Variants in CACNA1C observed in about 807,000 individuals in gnomAD.
CACNA1C encodes the protein voltage-dependent L-type calcium channel subunit alpha-1C.
CACNA1C carries 30 observed loss-of-function variants against 229.0 expected under a neutral mutation model. The ratio of observed to expected loss-of-function variants is 0.13; its 90% CI spans 0.10 to 0.18. The LOEUF is 0.18. Ranked by LOEUF, CACNA1C falls within the 10% of genes least tolerant of loss-of-function variation. The pLI is 1.00. For missense variants in CACNA1C, 1,658 were observed against 2,845.0 expected (o/e 0.58, Z 9.49); for synonymous variants, 1,114 against 1,132.5 (o/e 0.98, Z 0.33).
chr12:2,308,650 T>C (rs2095241640), intron 3 of CACNA1C, among the ~76,000 whole-genome samples: 1 of 152,094 alleles, frequency 6.6e-6, no homozygotes, highest in Admixed American at 6.6e-5. Flanking sequence ...TTCTCAAGAG[T>C]GCTTTGGCTA....
At chr12:2,333,502 TC>T (rs1310841374) in intron 3 of CACNA1C, among the ~76,000 whole-genome samples, 12 of 152,302 alleles carry the variant, frequency 7.9e-5, no homozygotes, top group South Asian at 4.1e-4. Context: ...GGAATTCTCA[TC>T]CCACAGTGGC....
At chr12:2,414,859 G>A (rs1343988223) in intron 3 of CACNA1C, among the ~76,000 whole-genome samples, 2 of 152,176 alleles carry the variant, frequency 1.3e-5, no homozygotes, top group African/African-American at 4.8e-5. Context: ...GGCTTCAGTT[G>A]GACAGGGGTG....
At chr12:2,643,047 G>A (rs114578429) in intron 30 of CACNA1C, among the ~76,000 whole-genome samples, 1,908 of 152,326 alleles carry the variant, frequency 0.013, 29 homozygotes, top group African/African-American at 0.036. Context: ...AGCAGGAAGA[G>A]CAAAAGAGGG....
chr12:2,690,982 G>A lies in CACNA1C; in HGVS notation c.6200G>A (p.Cys2067Tyr), dbSNP rs1287518980. 1.9e-6 allele frequency: 3 copies of A among 1,600,204 alleles called. No individual in the cohort carries two copies. The highest frequency in any genetic ancestry group is 1.7e-4 in the Middle Eastern group (1 of 6,046). Residue 2067 changes from cysteine (C) to tyrosine (Y), a missense_variant, in exon 47 of 47, where the codon TGC becomes TAC. Cys to Tyr is a radical substitution (Grantham distance 194, BLOSUM62 -2). Around this residue, in one of 20 missense-constraint regions of CACNA1C, gnomAD observed 590 missense variants for 700.8 expected, o/e 0.84. Coordinates refer to ENST00000399655, the MANE Select transcript of CACNA1C (RefSeq NM_000719.7). Reference sequence around the variant, plus strand: ...ACCACCCAGGAGCTGGCCGACGCCTGCGACATGACCATAGAGGAGATGGAG... The same window carrying A: ...ACCACCCAGGAGCTGGCCGACGCCTACGACATGACCATAGAGGAGATGGAG... ...EVTTQELADACDMTIEEMESA... is the reference protein window; with the variant it reads ...EVTTQELADAYDMTIEEMESA...
At chr12:2,405,435 A>G (rs887680658) in intron 3 of CACNA1C, among the ~76,000 whole-genome samples, 1 of 151,910 alleles carries the variant, frequency 6.6e-6, no homozygotes, top group Non-Finnish European at 1.5e-5. Flanking sequence ...ATCATCCCTA[A>G]CCCCTGGCAA....
chr12:2,157,635 T>C (rs1406715484), intron 3 of CACNA1C, among the ~76,000 whole-genome samples: 2 of 152,224 alleles, frequency 1.3e-5, no homozygotes, highest in Admixed American at 6.5e-5. Flanking sequence ...CTGTGGGGCC[T>C]TAGAGCAAAG....
At chr12:2,460,788 A>G (rs1332316224) in intron 5 of CACNA1C, among the ~76,000 whole-genome samples, 8 of 152,230 alleles carry the variant, frequency 5.3e-5, no homozygotes, top group Admixed American at 3.9e-4. Flanking sequence ...ATGCTTATGC[A>G]TAGGAGCAGC....
chr12:2,518,112 A>G (rs1025965488), intron 9 of CACNA1C, among the ~76,000 whole-genome samples: 3 of 152,206 alleles, frequency 2.0e-5, no homozygotes, highest in Non-Finnish European at 2.9e-5. Context: ...TGCAGTCATC[A>G]CCAGCTAGCA....
rs140542739 is a variant in CACNA1C, at chr12:2,479,719, C to T, written c.758-6385C>T. ...AAGTGGGCTGTCGCCTTAATGCTGG[C>T]TTGAAGCACAGCAGAATCCAGAGTC... On this transcript the variant is annotated intron_variant, in intron 5 of 46. Transcript: ENST00000399655. This position sits in a 1 kb window ranked among gnomAD's most constrained non-coding sequence, Gnocchi z 4.3. 5.6e-3 allele frequency among the ~76,000 whole-genome samples: 850 copies of T among 152,304 alleles called. 9 individuals are homozygous for T. The highest frequency in any genetic ancestry group is 0.019 in the African/African-American group (803 of 41,560).
At chr12:2,329,029 A>T (rs1003301823) in intron 3 of CACNA1C, among the ~76,000 whole-genome samples, 1 of 152,180 alleles carries the variant, frequency 6.6e-6, no homozygotes, top group Non-Finnish European at 1.5e-5. Flanking sequence ...CAATGACAGT[A>T]TGGGCATTAA....
In CACNA1C at chr12:2,110,170, A is replaced by G. The variant is rs1437355051; in HGVS notation, c.50-5054A>G. On this transcript the variant is annotated intron_variant, in intron 1 of 46. Transcript: ENST00000399655. ...CTCCTAACTTGGACTCCTCACTTGG[A>G]CCCTTGCAGAGCAGAATGACACGAG... Among the ~76,000 whole-genome samples the G allele has an allele frequency of 2.0e-5, 3 of 152,228 alleles. No individual in the cohort carries two copies. The East Asian group carries it at 5.8e-4, about 29-fold the overall frequency.
At chr12:2,558,511 C>T (rs570502170) in intron 11 of CACNA1C, among the ~76,000 whole-genome samples, 1 of 152,370 alleles carries the variant, frequency 6.6e-6, no homozygotes, top group East Asian at 1.9e-4. Context: ...CCCTCACACT[C>T]CGTGAAGGAG....
At chr12:2,496,818 T>A (rs1439012440) in intron 7 of CACNA1C, among the ~76,000 whole-genome samples, 1 of 152,204 alleles carries the variant, frequency 6.6e-6, no homozygotes, top group East Asian at 1.9e-4. Context: ...TACCGGGGAT[T>A]TGGAAATGAA....
intron 1 of CACNA1C, among the ~76,000 whole-genome samples, chr12:2,064,473 C>T (rs924198711): frequency 3.9e-5 from 6 of 152,208 alleles, no homozygotes; most frequent in Non-Finnish European, 8.8e-5. Context: ...GCTGCCTGCC[C>T]TGCCCCAGGC....
intron 1 of CACNA1C, chr12:1,991,158 A>T: frequency 2.2e-6 from 1 of 456,130 alleles, no homozygotes; most frequent in Non-Finnish European, 4.4e-6. Context: ...AGAGCAGTAC[A>T]GGTGGTGTGG....
At chr12:2,059,927 C>G (rs2056818487) in intron 1 of CACNA1C, among the ~76,000 whole-genome samples, 1 of 152,080 alleles carries the variant, frequency 6.6e-6, no homozygotes, top group South Asian at 2.1e-4. Context: ...TTCTTCCTCC[C>G]CCTGCCTCCA....
At chr12:2,529,064 G>A (rs2099834739) in intron 9 of CACNA1C, among the ~76,000 whole-genome samples, 2 of 152,212 alleles carry the variant, frequency 1.3e-5, no homozygotes, top group Admixed American at 1.3e-4. Flanking sequence ...AAGGAGGCTT[G>A]TAGAAGTTTA....
intron 3 of CACNA1C, among the ~76,000 whole-genome samples, chr12:2,120,800 T>A (rs770874098): frequency 6.6e-6 from 1 of 151,808 alleles, no homozygotes; most frequent in Admixed American, 6.6e-5. Flanking sequence ...TGTATTTCCT[T>A]TGAATGTCTT....
intron 1 of CACNA1C, among the ~76,000 whole-genome samples, chr12:1,983,163 C>G (rs2036641331): frequency 6.6e-6 from 1 of 151,160 alleles, no homozygotes; most frequent in African/African-American, 2.4e-5. Flanking sequence ...CAGGTGTTTA[C>G]CAGTTTTACT....
Sources: allele counts gnomAD v4.1 joint callset (sites outside exome capture counted in the v4.1 genomes callset), GRCh38; gene constraint gnomAD v4.1.1; regional missense constraint gnomAD v4.1.1; non-coding constraint Gnocchi (gnomAD v3.1); transcripts MANE v1.5; gene names NCBI Gene and HGNC (gene_info 2026-07-23, HGNC 2026-07-21).